CNTNAP5: variants seen among roughly 807,000 people sequenced by gnomAD.
CNTNAP5 encodes contactin-associated protein-like 5.
In CNTNAP5, 72 loss-of-function variants were observed where a neutral mutation model predicts 150.2. The ratio of observed to expected loss-of-function variants is 0.48; its 90% CI spans 0.40 to 0.58. The LOEUF is 0.58. CNTNAP5 is among the 20% of genes least tolerant of loss of function. The pLI is 0.00. For synonymous variants in CNTNAP5, 672 were observed against 619.8 expected (o/e 1.08, Z -1.25); for missense variants, 1,636 against 1,626.2 (o/e 1.01, Z -0.10).
intron 13 of CNTNAP5, among the ~76,000 whole-genome samples, chr2:124,709,474 A>G (rs933384631): frequency 1.3e-5 from 2 of 152,184 alleles, no homozygotes; most frequent in Admixed American, 6.6e-5. Context: ...TGTATAACCA[A>G]TTGAAGAGGG....
intron 6 of CNTNAP5, among the ~76,000 whole-genome samples, chr2:124,473,894 G>A (rs1426484748): frequency 6.6e-6 from 1 of 151,992 alleles, no homozygotes; most frequent in Admixed American, 6.6e-5. Context: ...AGTTGTAAAA[G>A]AAGAAAACCG....
intron 4 of CNTNAP5, among the ~76,000 whole-genome samples, chr2:124,426,719 T>G (rs1039303500): frequency 1.3e-5 from 2 of 152,184 alleles, no homozygotes; most frequent in Non-Finnish European, 2.9e-5. Flanking sequence ...GCCCTTTTTT[T>G]AGCTGGTTTG....
chr2:124,129,776 G>T (rs1026296629), intron 1 of CNTNAP5, among the ~76,000 whole-genome samples: 9 of 152,140 alleles, frequency 5.9e-5, no homozygotes, highest in Non-Finnish European at 1.2e-4. Context: ...CCTTAATTGA[G>T]GCTCCAAAAT....
chr2:124,126,440 C>T (rs1023923958), intron 1 of CNTNAP5, among the ~76,000 whole-genome samples: 1 of 152,024 alleles, frequency 6.6e-6, no homozygotes, highest in African/African-American at 2.4e-5. Context: ...AAAAAAAAGT[C>T]CAGGACCTGA....
At chr2:124,243,671 G>A (rs932269894) in intron 3 of CNTNAP5, among the ~76,000 whole-genome samples, 4 of 152,098 alleles carry the variant, frequency 2.6e-5, no homozygotes, top group Non-Finnish European at 5.9e-5. Flanking sequence ...GGAGAGGTTG[G>A]GAGGACGGCG....
intron 14 of CNTNAP5, among the ~76,000 whole-genome samples, chr2:124,747,693 C>A (rs1182295846): frequency 7.1e-6 from 1 of 140,056 alleles, no homozygotes; most frequent in African/African-American, 2.7e-5. Flanking sequence ...GATCTTGGCT[C>A]ACTGCAACCT....
At chr2:124,382,574 T>G (rs1235107775) in intron 3 of CNTNAP5, among the ~76,000 whole-genome samples, 2 of 152,112 alleles carry the variant, frequency 1.3e-5, no homozygotes, top group East Asian at 1.9e-4. Flanking sequence ...GTACAATCAT[T>G]GTGGGTTTTT....
At chr2:124,312,368 G>T (rs1688850788) in intron 3 of CNTNAP5, among the ~76,000 whole-genome samples, 1 of 151,996 alleles carries the variant, frequency 6.6e-6, no homozygotes, top group African/African-American at 2.4e-5. Context: ...ATTTTTCTGA[G>T]ATGGAGTTTC....
At chr2:124,471,481 T>C (rs1195323935) in intron 6 of CNTNAP5, among the ~76,000 whole-genome samples, 2 of 152,166 alleles carry the variant, frequency 1.3e-5, no homozygotes, top group Non-Finnish European at 2.9e-5. Context: ...CAATGGAGTT[T>C]TCTAGATATC....
intron 2 of CNTNAP5, among the ~76,000 whole-genome samples, chr2:124,223,520 A>T (rs1686378566): frequency 6.6e-6 from 1 of 152,076 alleles, no homozygotes. Flanking sequence ...CATTTCAGGA[A>T]GAAACACAGG....
intron 19 of CNTNAP5, among the ~76,000 whole-genome samples, chr2:124,835,218 T>C (rs1682804169): frequency 6.6e-6 from 1 of 151,796 alleles, no homozygotes; most frequent in Non-Finnish European, 1.5e-5. Flanking sequence ...TTAGATTATG[T>C]AGTTTGTTTT....
intron 13 of CNTNAP5, among the ~76,000 whole-genome samples, chr2:124,667,856 C>T (rs578162518): frequency 6.6e-6 from 1 of 152,176 alleles, no homozygotes; most frequent in Non-Finnish European, 1.5e-5. Flanking sequence ...TCTCATTTCT[C>T]CCGTAAGGGA....
chr2:124,792,937 C>G (rs569421193), intron 18 of CNTNAP5, among the ~76,000 whole-genome samples: 1 of 152,152 alleles, frequency 6.6e-6, no homozygotes, highest in Non-Finnish European at 1.5e-5. Context: ...ATCCATTGGT[C>G]AGTTAATGGA....
chr2:124,566,630 G>A (rs1192047686), intron 11 of CNTNAP5, among the ~76,000 whole-genome samples: 1 of 152,158 alleles, frequency 6.6e-6, no homozygotes, highest in African/African-American at 2.4e-5. Flanking sequence ...CTTTGCTTCT[G>A]GGCACTCAGC....
rs1286703910 is a variant in CNTNAP5, at chr2:124,221,769, C to T, written c.147C>T (p.Leu49=). The T allele has an allele frequency of 6.2e-7, 1 of 1,611,196 alleles. No individual in the cohort carries two copies. Among genetic ancestry groups the T allele is most frequent in the Non-Finnish European group, 8.5e-7 (1 of 1,178,518 alleles). Residue 49 remains leucine (L), a synonymous_variant, in exon 2 of 24, where the codon CTC becomes CTT. Transcript: ENST00000682447. ...SPMAFSSSSD[L]TGTHSPAQLN... is the part of the protein sequence containing the mutation. ...TGGCTTTTTCCAGTTCCTCAGACCT[C>T]ACTGGCACTCACAGCCCAGCTCAAC...
At chr2:124,659,035 T>C (rs963872357) in intron 13 of CNTNAP5, among the ~76,000 whole-genome samples, 5 of 152,184 alleles carry the variant, frequency 3.3e-5, no homozygotes, top group African/African-American at 1.2e-4. Context: ...CCTACCGCCA[T>C]GTGACCTTAG....
chr2:124,737,012 G>T (rs1029914004), intron 13 of CNTNAP5, among the ~76,000 whole-genome samples: 1 of 152,032 alleles, frequency 6.6e-6, no homozygotes, highest in African/African-American at 2.4e-5. Context: ...AGAACAATAG[G>T]CTGGGAGCAG....
chr2:124,747,138 C>A, intron 13 of CNTNAP5, 91 bp from the exon 14 acceptor site: 1 of 1,247,006 alleles, frequency 8.0e-7, no homozygotes, highest in Non-Finnish European at 1.1e-6. Flanking sequence ...TACATCTATT[C>A]TCCAAGATAT....
chr2:124,265,849 G>C lies in CNTNAP5; in HGVS notation c.381+23456G>C, dbSNP rs537907700. Reference sequence around the variant, plus strand: ...AGCATGAGAATGGTAAAAAAAAACAGAGTCAGTCAGGTTACGGGTCAGTGC... The same window carrying C: ...AGCATGAGAATGGTAAAAAAAAACACAGTCAGTCAGGTTACGGGTCAGTGC... On this transcript the variant is annotated intron_variant, in intron 3 of 23. Coordinates refer to ENST00000682447, the MANE Select transcript of CNTNAP5 (RefSeq NM_001367498.1). Among the ~76,000 whole-genome samples, 864 of 150,992 alleles carry C rather than the reference G, an allele frequency of 5.7e-3. 8 individuals carry two copies. The highest frequency in any genetic ancestry group is 0.01 in the Middle Eastern group (3 of 290).
Sources: allele counts gnomAD v4.1 joint callset (sites outside exome capture counted in the v4.1 genomes callset), GRCh38; gene constraint gnomAD v4.1.1; transcripts MANE v1.5; gene names NCBI Gene and HGNC (gene_info 2026-07-23, HGNC 2026-07-21).